Variants in N4BP3 observed in about 807,000 individuals in gnomAD.
N4BP3 encodes NEDD4-binding protein 3.
In N4BP3, 33 loss-of-function variants were observed where a neutral mutation model predicts 43.8. That is an observed-to-expected ratio of 0.75 (90% CI 0.57 to 1.01). N4BP3 has a LOEUF of 1.01. Ranked by LOEUF, N4BP3 falls within the 50% of genes least tolerant of loss-of-function variation. N4BP3 has a pLI of 0.00. For synonymous variants in N4BP3, 326 were observed against 321.9 expected (o/e 1.01, Z -0.14); for missense variants, 756 against 744.2 (o/e 1.02, Z -0.18).
chr5:178,113,777 T>TGGGGCGCGCGAGGGGCTG lies in N4BP3; in HGVS notation c.-31+10_-31+27dup, dbSNP rs1757703133. The TGGGGCGCGCGAGGGGCTG allele has an allele frequency of 2.6e-5, 1 of 39,198 alleles. No individual in the cohort carries two copies. Among genetic ancestry groups the TGGGGCGCGCGAGGGGCTG allele is most frequent in the Non-Finnish European group, 5.0e-5 (1 of 20,150 alleles). 2.4% of individuals were successfully genotyped at this position (39,198 alleles called of 1,614,324 possible). A position where few individuals can be genotyped will look rare whatever the true frequency, so the allele number is the denominator to read the frequency against. ...GCGAGCGCGTCGCCACCATGGTAAG[T>TGGGGCGCGCGAGGGGCTG]GGGGCGCGCGAGGGGCTGGGGACCC... On this transcript the variant is annotated splice_region_variant and intron_variant, in intron 1 of 4. Coordinates refer to ENST00000274605, the MANE Select transcript of N4BP3 (RefSeq NM_015111.2).
chr5:178,118,275 G>A lies in N4BP3; in HGVS notation c.-30-1279G>A, dbSNP rs887966179. Among the ~76,000 whole-genome samples, 2 of 152,174 alleles carry A rather than the reference G, an allele frequency of 1.3e-5. No homozygotes were observed. Among genetic ancestry groups the A allele is most frequent in the Admixed American group, 6.5e-5 (1 of 15,288 alleles). ...GATGTTTGTGTGCCTGGCTGAGCTC[G>A]GCTCCAGCCAGCCTGTTGACCCTGG... On this transcript the variant is annotated intron_variant, in intron 1 of 4. Transcript: ENST00000274605. The surrounding 1 kb of genome is among the most constrained non-coding windows in gnomAD (Gnocchi z 5.4).
In N4BP3 at chr5:178,116,175, C is replaced by T. The variant is rs936299304; in HGVS notation, c.-31+2404C>T. Among the ~76,000 whole-genome samples, 10 of 149,206 alleles carry T rather than the reference C, an allele frequency of 6.7e-5. No homozygotes were observed. In the South Asian group the frequency reaches 1.1e-3, roughly 16 times the overall value. On this transcript the variant is annotated intron_variant, in intron 1 of 4. Transcript: ENST00000274605. Reference sequence around the variant, plus strand: ...CCCTCCTCCCCCACCAAATCCCCTCCGCCTGCACAGCTGCCCTGCCCAGCT... The same window carrying T: ...CCCTCCTCCCCCACCAAATCCCCTCTGCCTGCACAGCTGCCCTGCCCAGCT...
At chr5:178,115,752 C>A (rs959160520) in intron 1 of N4BP3, among the ~76,000 whole-genome samples, 16 of 152,188 alleles carry the variant, frequency 1.1e-4, no homozygotes, top group African/African-American at 3.9e-4. Flanking sequence ...CTGGGACGCC[C>A]CCCTCAAAGA....
chr5:178,121,493 A>G lies in N4BP3; in HGVS notation c.1127A>G (p.Glu376Gly). ...CCCCAGGTGTGCCAGAAGACAGCAGAGATTAGCCTCTTGAAGCAGCAGCTG... is the reference window on the plus strand; with the variant it reads ...CCCCAGGTGTGCCAGAAGACAGCAGGGATTAGCCTCTTGAAGCAGCAGCTG... ...ARWEVCQKTA[E>G]ISLLKQQLRE... Residue 376 changes from glutamate (E) to glycine (G), a missense_variant, in exon 5 of 5, where the codon GAG (glutamate) becomes GGG (glycine). Transcript: ENST00000274605. The G allele has an allele frequency of 1.2e-6, 2 of 1,613,898 alleles. No homozygotes were observed. The highest frequency in any genetic ancestry group is 1.7e-6 in the Non-Finnish European group (2 of 1,179,990).
In N4BP3 at chr5:178,122,924, C is replaced by T; in HGVS notation, c.*923C>T. The T allele has an allele frequency of 6.6e-6, 1 of 152,268 alleles. No homozygotes were observed. Among genetic ancestry groups the T allele is most frequent in the East Asian group, 1.9e-4 (1 of 5,182 alleles). 9.4% of individuals were successfully genotyped at this position (152,268 alleles called of 1,614,324 possible). A position where few individuals can be genotyped will look rare whatever the true frequency, so the allele number is the denominator to read the frequency against. ...GTTTCTTGGTAAAGAGCCTTTACCA[C>T]AGCAAGGAATGGGAACATTTCCCCA... On this transcript the variant is annotated 3_prime_UTR_variant, in exon 5 of 5. Coordinates refer to ENST00000274605, the MANE Select transcript of N4BP3 (RefSeq NM_015111.2).
rs369411071 is a variant in N4BP3, at chr5:178,117,649, T to C, written c.-30-1905T>C. Among the ~76,000 whole-genome samples, 474 of 117,270 alleles carry C rather than the reference T, an allele frequency of 4.0e-3. 5 individuals carry two copies. The highest frequency in any genetic ancestry group is 0.014 in the African/African-American group (449 of 31,752). 76.9% of individuals were successfully genotyped at this position (117,270 alleles called of 152,430 possible). A position where few individuals can be genotyped will look rare whatever the true frequency, so the allele number is the denominator to read the frequency against. On this transcript the variant is annotated intron_variant, in intron 1 of 4. Transcript: ENST00000274605. ...AAAAAAAAAAAAAAAGAAGGGACAATAACTCTGTCACAGGACTCAGCAGGA... is the reference window on the plus strand; with the variant it reads ...AAAAAAAAAAAAAAAGAAGGGACAACAACTCTGTCACAGGACTCAGCAGGA...
In N4BP3 at chr5:178,125,006, G is replaced by A. The variant is rs973519623; in HGVS notation, c.*3005G>A. The A allele has an allele frequency of 6.6e-6, 1 of 152,302 alleles. No homozygotes were observed. The highest frequency in any genetic ancestry group is 1.5e-5 in the Non-Finnish European group (1 of 68,084). 9.4% of individuals were successfully genotyped at this position (152,302 alleles called of 1,614,324 possible). On this transcript the variant is annotated 3_prime_UTR_variant, in exon 5 of 5. Transcript: ENST00000274605. ...CACCACAGCTCCAGAAGGCACTGGTGGGATGTGGAGTCAGGAGCAACCAGA... is the reference window on the plus strand; with the variant it reads ...CACCACAGCTCCAGAAGGCACTGGTAGGATGTGGAGTCAGGAGCAACCAGA...
chr5:178,120,367 G>T lies in N4BP3; in HGVS notation c.520G>T (p.Ala174Ser), dbSNP rs760238204. ...ASQARAQLLHALSLDEGGPEP... is the reference protein window; with the variant it reads ...ASQARAQLLHSLSLDEGGPEP... Reference sequence around the variant, plus strand: ...CCAGGCCCGGGCACAGCTGCTGCACGCCCTCAGCCTAGATGAGGGCGGCCC... The same window carrying T: ...CCAGGCCCGGGCACAGCTGCTGCACTCCCTCAGCCTAGATGAGGGCGGCCC... The change falls in exon 3 of 5, where the codon GCC becomes TCC. Residue 174 changes from alanine (A) to serine (S), a missense_variant. Physicochemically the swap from Ala to Ser is moderately conservative, Grantham distance 99. Transcript: ENST00000274605. 6.2e-6 allele frequency: 10 copies of T among 1,608,892 alleles called. No individual in the cohort carries two copies. Among genetic ancestry groups the T allele is most frequent in the Non-Finnish European group, 8.5e-6 (10 of 1,177,066 alleles).
At chr5:178,115,257 C>G (rs1410111005) in intron 1 of N4BP3, among the ~76,000 whole-genome samples, 1 of 152,240 alleles carries the variant, frequency 6.6e-6, no homozygotes, top group Non-Finnish European at 1.5e-5. Flanking sequence ...GCTTTAGCCC[C>G]TGTCTCTGCC....
chr5:178,121,943 G>T lies in N4BP3; in HGVS notation c.1577G>T (p.Arg526Leu). 4 of 1,611,646 alleles carry T rather than the reference G, an allele frequency of 2.5e-6. No homozygotes were observed. The highest frequency in any genetic ancestry group is 3.4e-6 in the Non-Finnish European group (4 of 1,179,584). The change falls in exon 5 of 5, where the codon CGG becomes CTG. Residue 526 changes from arginine to leucine, a missense_variant. Coordinates refer to ENST00000274605, the MANE Select transcript of N4BP3 (RefSeq NM_015111.2). ...RRNQALEQEL[R>L]ALREPPTPWS... ...AACCAGGCACTGGAGCAGGAACTGC[G>T]GGCACTGCGGGAGCCCCCCACACCC...
chr5:178,121,443 C>T (rs1757921112), intron 4 of N4BP3, 31 bp from the exon 5 acceptor site: 2 of 1,613,846 alleles, frequency 1.2e-6, no homozygotes. Flanking sequence ...TCCCCACACC[C>T]TACTTTGCTT....
chr5:178,115,468 G>T (rs1018749462), intron 1 of N4BP3, among the ~76,000 whole-genome samples: 9 of 152,234 alleles, frequency 5.9e-5, no homozygotes, highest in African/African-American at 2.2e-4. Context: ...CTCAGGAGGG[G>T]CTGACTGTAG....
rs2113332502 is a variant in N4BP3, at chr5:178,124,248, G to A, written c.*2247G>A. The A allele has an allele frequency of 6.5e-6, 1 of 152,894 alleles. No homozygotes were observed. Among genetic ancestry groups the A allele is most frequent in the South Asian group, 2.1e-4 (1 of 4,832 alleles). 9.5% of individuals were successfully genotyped at this position (152,894 alleles called of 1,614,324 possible). A position where few individuals can be genotyped will look rare whatever the true frequency, so the allele number is the denominator to read the frequency against. ...TGGGCTGGCCAGTACAGCCAGTGGG[G>A]AGTGGGTGGGAGGCACCAAAACTTG... On this transcript the variant is annotated 3_prime_UTR_variant, in exon 5 of 5. Transcript: ENST00000274605.
rs752080078 is a variant in N4BP3 at position 178,120,388 on chromosome 5, G to A, written c.541G>A (p.Gly181Ser). 1.6e-5 allele frequency: 26 copies of A among 1,612,654 alleles called. No individual in the cohort carries two copies. The highest frequency in any genetic ancestry group is 1.4e-4 in the South Asian group (13 of 91,084). The change falls in exon 3 of 5, where the codon GGC becomes AGC. Residue 181 changes from glycine to serine, a missense_variant. By Grantham distance (56) the Gly-to-Ser change is moderately conservative. Transcript: ENST00000274605. ...LLHALSLDEG[G>S]PEPEPSLSDS... ...GCACGCCCTCAGCCTAGATGAGGGC[G>A]GCCCTGAGCCCGAGCCCAGCCTGTC...
rs746943452 is a variant in N4BP3, at chr5:178,120,559, C to G, written c.712C>G (p.Leu238Val). ...CAAGGAGGCTGGGCCACCAGCTGTG[C>G]TGAGCTGCCTGCCCGAGCCACCACC... ...GPKEAGPPAV[L>V]SCLPEPPPPY... The change falls in exon 3 of 5, where the codon CTG becomes GTG. Residue 238 changes from leucine to valine, a missense_variant. Physicochemically the swap from Leu to Val is conservative, Grantham distance 32. Transcript: ENST00000274605. 6.2e-7 allele frequency: 1 copy of G among 1,613,046 alleles called. No individual in the cohort carries two copies. Among genetic ancestry groups the G allele is most frequent in the Non-Finnish European group, 8.5e-7 (1 of 1,180,024 alleles).
chr5:178,119,637 G>T lies in N4BP3; in HGVS notation c.54G>T (p.Leu18=), dbSNP rs767975868. 4.4e-6 allele frequency: 7 copies of T among 1,585,206 alleles called. No individual in the cohort carries two copies. The highest frequency in any genetic ancestry group is 1.8e-5 in the Admixed American group (1 of 57,040). Residue 18 remains leucine, a synonymous_variant, in exon 2 of 5, where the codon CTG becomes CTT. Transcript: ENST00000274605. ...TTGCCATGGGCAGCGTGGGCAGCCT[G>T]TTGGAACGGCAGGACTTCTCCCCTG... ...AGIAMGSVGS[L]LERQDFSPEE...
chr5:178,122,823 G>C lies in N4BP3; in HGVS notation c.*822G>C, dbSNP rs562446115. On this transcript the variant is annotated 3_prime_UTR_variant, in exon 5 of 5. Transcript: ENST00000274605. The stretch of plus-strand genomic sequence containing the variant: ...TCTCCCTCCCTCCCTCCATAGGAGT[G>C]GGGGGCCCCTAGAAGTGCTCTGCCT... 6.6e-6 allele frequency: 1 copy of C among 152,066 alleles called. No homozygotes were observed. Among genetic ancestry groups the C allele is most frequent in the Non-Finnish European group, 1.5e-5 (1 of 68,018 alleles). 9.4% of individuals were successfully genotyped at this position (152,066 alleles called of 1,614,324 possible). A position where few individuals can be genotyped will look rare whatever the true frequency, so the allele number is the denominator to read the frequency against.
At position 178,122,079 on chromosome 5, in the gene N4BP3, G is replaced by C; in HGVS notation, c.*78G>C. The C allele has an allele frequency of 1.4e-6, 2 of 1,464,830 alleles. No homozygotes were observed. The highest frequency in any genetic ancestry group is 1.8e-6 in the Non-Finnish European group (2 of 1,107,304). The allele number at this position is 1,464,830 out of a possible 1,614,324, so 90.7% of individuals were successfully genotyped here. A position where few individuals can be genotyped will look rare whatever the true frequency, so the allele number is the denominator to read the frequency against. ...GGCCGGCTCAGCCTTCCCTTGCACT[G>C]GTTGGGGTGGAACCTGCAGAGGCCA... On this transcript the variant is annotated 3_prime_UTR_variant, in exon 5 of 5. Transcript: ENST00000274605.
chr5:178,121,049 C>A, intron 3 of N4BP3, 49 bp from the exon 4 acceptor site: 3 of 1,565,004 alleles, frequency 1.9e-6, no homozygotes, highest in South Asian at 1.2e-5. Context: ...AGCTCTGAGT[C>A]GCCTCTAGGG....
Sources: allele counts gnomAD v4.1 joint callset (sites outside exome capture counted in the v4.1 genomes callset), GRCh38; gene constraint gnomAD v4.1.1; non-coding constraint Gnocchi (gnomAD v3.1); transcripts MANE v1.5; gene names NCBI Gene and HGNC (gene_info 2026-07-23, HGNC 2026-07-21).